The following FILIP1 variants were observed in gnomAD, a reference collection of about 807,000 sequenced individuals.
FILIP1 encodes filamin-A-interacting protein 1.
FILIP1 carries 61 observed loss-of-function variants against 102.1 expected under a neutral mutation model. The ratio of observed to expected loss-of-function variants is 0.60; its 90% confidence interval spans 0.49 to 0.74. The LOEUF is 0.74. Among genes scored for constraint, FILIP1 ranks in the 30% least tolerant of loss-of-function variants. The pLI is 0.00. For synonymous variants in FILIP1, 491 were observed against 526.9 expected (o/e 0.93, Z 0.93); for missense variants, 1,314 against 1,441.2 (o/e 0.91, Z 1.43).
chr6:75,457,476 A>C (rs1778875666), intron 1 of FILIP1, among the ~76,000 whole-genome samples: 1 of 152,196 alleles, frequency 6.6e-6, no homozygotes, highest in African/African-American at 2.4e-5. Flanking sequence ...GAAACTCAAA[A>C]TCCCTAGGCA....
At chr6:75,413,284 G>A (rs1210431065) in intron 2 of FILIP1, among the ~76,000 whole-genome samples, 1 of 152,146 alleles carries the variant, frequency 6.6e-6, no homozygotes, top group Non-Finnish European at 1.5e-5. Flanking sequence ...ATAGCTTTCG[G>A]CTGGGGGCAG....
chr6:75,422,848 T>C (rs1295547062), intron 1 of FILIP1, among the ~76,000 whole-genome samples: 1 of 152,178 alleles, frequency 6.6e-6, no homozygotes, highest in African/African-American at 2.4e-5. Context: ...CTTTTTTTGC[T>C]AATCAATTAT....
intron 1 of FILIP1, among the ~76,000 whole-genome samples, chr6:75,481,990 T>C (rs1779660720): frequency 6.6e-6 from 1 of 152,216 alleles, no homozygotes; most frequent in Non-Finnish European, 1.5e-5. Flanking sequence ...TCTGTTTTTT[T>C]CCCTAATCTT....
chr6:75,421,600 C>A (rs1162237563), intron 1 of FILIP1, among the ~76,000 whole-genome samples: 1 of 152,100 alleles, frequency 6.6e-6, no homozygotes, highest in African/African-American at 2.4e-5. Flanking sequence ...TGTCCCTCCA[C>A]AACATCTCTC....
At chr6:75,453,003 G>T (rs1323071460) in intron 1 of FILIP1, among the ~76,000 whole-genome samples, 1 of 152,202 alleles carries the variant, frequency 6.6e-6, no homozygotes, top group African/African-American at 2.4e-5. Context: ...TAGGTGTTTT[G>T]TAGTATAAAG....
chr6:75,418,788 G>A (rs1777356386), intron 1 of FILIP1, among the ~76,000 whole-genome samples: 1 of 152,136 alleles, frequency 6.6e-6, no homozygotes, highest in South Asian at 2.1e-4. Flanking sequence ...TAAAAAATCA[G>A]TGTTAACTGG....
At chr6:75,302,401 AT>A (rs1472820644) in intron 6 of FILIP1, among the ~76,000 whole-genome samples, 1 of 152,108 alleles carries the variant, frequency 6.6e-6, no homozygotes, top group Non-Finnish European at 1.5e-5. Flanking sequence ...ACTTTCTGCC[AT>A]TTTTCAGCTT....
chr6:75,313,520 T>C lies in FILIP1; in HGVS notation c.2312A>G (p.Asn771Ser), dbSNP rs1265108522. ...KNKNMGQEVL[N>S]LTKELELSKR... Reference sequence around the variant, plus strand: ...GGAAAGCTCCAACTCTTTGGTCAGATTGAGAACCTCCTGCCCCATGTTTTT... The same window carrying C: ...GGAAAGCTCCAACTCTTTGGTCAGACTGAGAACCTCCTGCCCCATGTTTTT... The change falls in exon 5 of 6, where the codon AAT becomes AGT. Residue 771 changes from asparagine to serine, a missense_variant. Asn to Ser is a conservative substitution (Grantham distance 46, BLOSUM62 1). Around this residue, in one of 3 missense-constraint regions of FILIP1, gnomAD observed 816 missense variants for 913.1 expected, o/e 0.89. Coordinates refer to ENST00000237172, the MANE Select transcript of FILIP1 (RefSeq NM_015687.5). This position sits in a 1 kb window ranked among gnomAD's most constrained non-coding sequence, Gnocchi z 4.2. 6.8e-6 allele frequency: 11 copies of C among 1,614,232 alleles called. No individual in the cohort carries two copies. The East Asian group carries it at 2.0e-4, about 29-fold the overall frequency.
At chr6:75,368,236 G>A (rs1275859145) in intron 2 of FILIP1, among the ~76,000 whole-genome samples, 1 of 152,166 alleles carries the variant, frequency 6.6e-6, no homozygotes, top group Non-Finnish European at 1.5e-5. Context: ...GGCTGGATAA[G>A]AAGCTGATTC....
chr6:75,416,811 T>A (rs1206114858), intron 1 of FILIP1, among the ~76,000 whole-genome samples: 1 of 152,126 alleles, frequency 6.6e-6, no homozygotes, highest in East Asian at 1.9e-4. Context: ...ATTTAAATCA[T>A]TAAATCATGA....
At chr6:75,390,824 T>C (rs150342736) in intron 2 of FILIP1, among the ~76,000 whole-genome samples, 146 of 152,224 alleles carry the variant, frequency 9.6e-4, no homozygotes, top group African/African-American at 3.3e-3. Context: ...TTTGAAGATT[T>C]TTGCCTCTGG....
At position 75,353,539 on chromosome 6, in the gene FILIP1, C is replaced by A. The variant is rs781777389; in HGVS notation, c.629G>T (p.Arg210Met). The A allele has an allele frequency of 6.2e-7, 1 of 1,614,064 alleles. No homozygotes were observed. Among genetic ancestry groups the A allele is most frequent in the African/African-American group, 1.3e-5 (1 of 75,046 alleles). Residue 210 changes from arginine (R) to methionine (M), a missense_variant and splice_region_variant, in exon 4 of 6, where the codon AGG becomes ATG. Transcript: ENST00000237172. ...GACTGGTGGTGTGTGTGCACATTAC[C>A]TCTCCCGCTCCTGCTCCAGCAGGTT... Reference protein sequence around the residue: ...FTNLLEQERERLKKLLEQEKA... With the variant: ...FTNLLEQEREMLKKLLEQEKA...
intron 2 of FILIP1, among the ~76,000 whole-genome samples, chr6:75,398,560 GCCC>G (rs1776542682): frequency 6.6e-6 from 1 of 152,114 alleles, no homozygotes; most frequent in African/African-American, 2.4e-5. Flanking sequence ...ATAAGTATTA[GCCC>G]AGTGACTTTC....
chr6:75,327,428 G>A lies in FILIP1; in HGVS notation c.630-12226C>T, dbSNP rs189409109. On this transcript the variant is annotated intron_variant, in intron 4 of 5. Transcript: ENST00000237172. ...AGAAGCCGGAATGATCCTAAAAGAG[G>A]GTAAATCAGATCATGTCACTCTGCT... is the stretch of plus-strand genomic sequence containing the variant. Among the ~76,000 whole-genome samples the A allele has an allele frequency of 2.3e-4, 35 of 151,776 alleles. 2 individuals are homozygous for A. Among genetic ancestry groups the A allele is most frequent in the Admixed American group, 1.1e-3 (17 of 15,214 alleles).
chr6:75,327,967 A>T (rs1306722121), intron 4 of FILIP1, among the ~76,000 whole-genome samples: 2 of 152,212 alleles, frequency 1.3e-5, no homozygotes, highest in Non-Finnish European at 2.9e-5. Context: ...AGTTTAAAGG[A>T]AAGATAGGAG....
intron 2 of FILIP1, among the ~76,000 whole-genome samples, chr6:75,392,641 C>G (rs1161297870): frequency 6.6e-6 from 1 of 152,098 alleles, no homozygotes; most frequent in Non-Finnish European, 1.5e-5. Context: ...AGCACTTTCC[C>G]CCCACCAGCA....
chr6:75,312,603 G>A lies in FILIP1; in HGVS notation c.3229C>T (p.Arg1077Trp), dbSNP rs138096288. The A allele has an allele frequency of 8.4e-5, 136 of 1,614,156 alleles. No homozygotes were observed. Among genetic ancestry groups the A allele is most frequent in the South Asian group, 6.6e-4 (60 of 91,078 alleles). The change falls in exon 5 of 6, where the codon CGG (arginine) becomes TGG (tryptophan). Residue 1077 changes from arginine (R) to tryptophan (W), a missense_variant. Transcript: ENST00000237172. ...CCTTCACCTGAAGTCCCAGGGGACC[G>A]TTTAAACTGAGACCCTAAGTGAATG... ...IHIHLGSQFK[R>W]SPGTSGEGVS...
At chr6:75,480,531 G>A (rs996679831) in intron 1 of FILIP1, among the ~76,000 whole-genome samples, 3 of 151,978 alleles carry the variant, frequency 2.0e-5, no homozygotes, top group African/African-American at 7.3e-5. Context: ...ATTTTAATAT[G>A]TGGTAAGGAA....
chr6:75,358,580 T>G (rs928527653), intron 3 of FILIP1: 2 of 152,176 alleles, frequency 1.3e-5, no homozygotes, highest in African/African-American at 4.8e-5. Context: ...TCAAAGTGGT[T>G]ATATAAAATA....
Sources: gnomAD v4.1 joint callset for allele counts (sites outside exome capture counted in the v4.1 genomes callset) on GRCh38, gnomAD v4.1.1 for gene constraint, gnomAD v4.1.1 regional missense constraint, Gnocchi (gnomAD v3.1) non-coding constraint, MANE v1.5 for transcripts, NCBI Gene and HGNC (gene_info 2026-07-23, HGNC 2026-07-21) for gene names.